Variants in TNNI3K observed in about 807,000 individuals in gnomAD.
TNNI3K encodes serine/threonine-protein kinase TNNI3K.
Under a neutral mutation model 114.5 loss-of-function variants are expected in TNNI3K, and 140 were observed. The observed-to-expected ratio is 1.22, with a 90% CI of 1.07 to 1.41. The LOEUF is 1.41. Ranked by LOEUF, TNNI3K falls within the 40% of genes most tolerant of loss-of-function variation. The pLI, the probability that TNNI3K is intolerant of heterozygous loss-of-function variation, is 0.00. For synonymous variants in TNNI3K, 347 were observed against 347.5 expected (o/e 1.00, Z 0.02); for missense variants, 1,125 against 1,007.6 (o/e 1.12, Z -1.58).
At chr1:74,336,507 C>G (rs1416290478) in intron 7 of TNNI3K, among the ~76,000 whole-genome samples, 3 of 145,454 alleles carry the variant, frequency 2.1e-5, no homozygotes, top group African/African-American at 7.6e-5. Context: ...CCCCTCCCCC[C>G]ATGCCACAAC....
chr1:74,369,005 A>T lies in TNNI3K; in HGVS notation c.1322-17A>T, dbSNP rs1662439957. The T allele has an allele frequency of 6.3e-7, 1 of 1,584,566 alleles. No homozygotes were observed. Among genetic ancestry groups the T allele is most frequent in the South Asian group, 1.2e-5 (1 of 85,278 alleles). On this transcript the variant is annotated splice_polypyrimidine_tract_variant and intron_variant, in intron 13 of 24. Transcript: ENST00000326637. ...GGTTTTTACCTTAAAAAATAAAATGACAATTTCTCTTTGCAGAGAAGGCAG... is the reference window on the plus strand; with the variant it reads ...GGTTTTTACCTTAAAAAATAAAATGTCAATTTCTCTTTGCAGAGAAGGCAG...
At chr1:74,236,771 C>A (rs1404310576) in intron 2 of TNNI3K, among the ~76,000 whole-genome samples, 1 of 151,794 alleles carries the variant, frequency 6.6e-6, no homozygotes, top group Non-Finnish European at 1.5e-5. Context: ...GAAAAATAAT[C>A]TAAGTGTCAC....
chr1:74,416,128 C>T (rs1415460021), intron 17 of TNNI3K, among the ~76,000 whole-genome samples: 4 of 152,128 alleles, frequency 2.6e-5, no homozygotes, highest in Non-Finnish European at 5.9e-5. Flanking sequence ...ACCAGAGTAT[C>T]TCTGGTTCTC....
chr1:74,327,993 A>C (rs1193425265), intron 5 of TNNI3K, among the ~76,000 whole-genome samples: 1 of 151,938 alleles, frequency 6.6e-6, no homozygotes, highest in East Asian at 1.9e-4. Context: ...AACTCCAATA[A>C]CAGGTCTTGG....
chr1:74,279,604 G>GAATGAATT (rs1317972631), intron 5 of TNNI3K, among the ~76,000 whole-genome samples: 12 of 151,982 alleles, frequency 7.9e-5, no homozygotes, highest in Non-Finnish European at 1.0e-4. Context: ...ATGAATGAAT[G>GAATGAATT]AATGAATGAA....
intron 23 of TNNI3K, among the ~76,000 whole-genome samples, chr1:74,520,219 C>G (rs1646411306): frequency 6.6e-6 from 1 of 151,956 alleles, no homozygotes; most frequent in South Asian, 2.1e-4. Flanking sequence ...TCCTCATATA[C>G]CTTGATTATA....
chr1:74,290,842 G>C (rs1657633594), intron 5 of TNNI3K, among the ~76,000 whole-genome samples: 1 of 151,668 alleles, frequency 6.6e-6, no homozygotes. Flanking sequence ...TTGACATTTT[G>C]GTGGATATTC....
intron 17 of TNNI3K, among the ~76,000 whole-genome samples, chr1:74,406,692 C>G (rs954591310): frequency 3.3e-5 from 5 of 152,188 alleles, no homozygotes; most frequent in African/African-American, 9.7e-5. Context: ...TACAGTTTAA[C>G]ACATTTATAG....
chr1:74,488,614 A>G (rs1668885091), intron 21 of TNNI3K, among the ~76,000 whole-genome samples: 1 of 152,164 alleles, frequency 6.6e-6, no homozygotes, highest in Non-Finnish European at 1.5e-5. Flanking sequence ...TTTGGAATAA[A>G]CTTTTTTTTA....
Position 74,464,688 on chromosome 1 carries a change from TAAG to T in TNNI3K, c.2121+1144_2121+1146del, listed in dbSNP as rs1311306638. 2.5e-6 allele frequency: 4 copies of T among 1,597,150 alleles called. No individual in the cohort carries two copies. The African/African-American group carries it at 4.0e-5, about 16-fold the overall frequency. On this transcript the variant is annotated intron_variant, in intron 21 of 24. Transcript: ENST00000326637. ...TCTCATCTGTGTACACAGAAACTCT[TAAG>T]AAGAAAAATGAAGATCGTTTTGGGA...
chr1:74,353,237 C>T, intron 9 of TNNI3K, 29 bp from the exon 10 acceptor site: 2 of 1,602,040 alleles, frequency 1.2e-6, no homozygotes, highest in Non-Finnish European at 1.7e-6. Context: ...GACCTTCTAT[C>T]TTTCTTGTTT....
At chr1:74,439,319 TA>T in intron 19 of TNNI3K, 170 bp from the exon 20 acceptor site, 1 of 1,032,146 alleles carries the variant, frequency 9.7e-7, no homozygotes, top group Non-Finnish European at 1.3e-6. Context: ...TGTGTATGTA[TA>T]AACATGTTTA....
intron 23 of TNNI3K, among the ~76,000 whole-genome samples, chr1:74,503,424 C>CTTATTATATTAGTGCTT (rs1157550002): frequency 1.3e-5 from 2 of 152,134 alleles, no homozygotes; most frequent in Non-Finnish European, 2.9e-5. Context: ...CTTATTGGAA[C>CTTATTATATTAGTGCTT]ATTATATTAG....
intron 9 of TNNI3K, among the ~76,000 whole-genome samples, chr1:74,352,235 C>G (rs1009257360): frequency 2.0e-5 from 3 of 152,322 alleles, no homozygotes; most frequent in Admixed American, 1.3e-4. Context: ...GAGGTCCACT[C>G]CAGACCCTGT....
At chr1:74,455,592 C>T (rs1351592754) in intron 20 of TNNI3K, among the ~76,000 whole-genome samples, 1 of 152,124 alleles carries the variant, frequency 6.6e-6, no homozygotes, top group African/African-American at 2.4e-5. Context: ...CTCCACTAAC[C>T]AGAGAACCCA....
chr1:74,333,286 T>C (rs940639504), intron 6 of TNNI3K, among the ~76,000 whole-genome samples: 1 of 152,194 alleles, frequency 6.6e-6, no homozygotes, highest in Non-Finnish European at 1.5e-5. Flanking sequence ...CTTATTTCAT[T>C]GATGTGCTGC....
At chr1:74,337,717 C>G (rs1233393020) in intron 7 of TNNI3K, among the ~76,000 whole-genome samples, 1 of 151,748 alleles carries the variant, frequency 6.6e-6, no homozygotes, top group Non-Finnish European at 1.5e-5. Flanking sequence ...CTTCCCTTAC[C>G]TCATCTCAGG....
chr1:74,480,308 G>A (rs1352546592), intron 21 of TNNI3K: 1 of 717,734 alleles, frequency 1.4e-6, no homozygotes, highest in Non-Finnish European at 2.6e-6. Context: ...TGCGGTAGAT[G>A]GCTGGCAATT....
chr1:74,304,956 T>G (rs1658533381), intron 5 of TNNI3K, among the ~76,000 whole-genome samples: 1 of 152,214 alleles, frequency 6.6e-6, no homozygotes, highest in Non-Finnish European at 1.5e-5. Flanking sequence ...ACGCTGGATT[T>G]GAGACATGTA....
Sources: gnomAD v4.1 joint callset for allele counts (sites outside exome capture counted in the v4.1 genomes callset) on GRCh38, gnomAD v4.1.1 for gene constraint, MANE v1.5 for transcripts, NCBI Gene and HGNC (gene_info 2026-07-23, HGNC 2026-07-21) for gene names.